ERAP1: variants seen among roughly 807,000 people sequenced by gnomAD.
The protein encoded by ERAP1 is endoplasmic reticulum aminopeptidase 1.
Under a neutral mutation model 103.7 loss-of-function variants are expected in ERAP1, and 86 were observed. The observed-to-expected ratio is 0.83, with a 90% CI of 0.70 to 0.99. ERAP1 has a LOEUF of 0.99. Ranked by LOEUF, ERAP1 falls within the 50% of genes least tolerant of loss-of-function variation. ERAP1 has a pLI of 0.00. For missense variants in ERAP1, 1,009 were observed against 1,128.4 expected, an observed-to-expected ratio of 0.89 and a Z score of 1.52; for synonymous variants, 398 against 402.4, an observed-to-expected ratio of 0.99 and a Z score of 0.13.
chr5:96,879,628 C>A, the ERAP1 span: 2 of 1,416,682 alleles, frequency 1.4e-6, no homozygotes, highest in Non-Finnish European at 9.9e-7. Context: ...CAGTGCAGTG[C>A]CATGAAGAAC....
the ERAP1 span, among the ~76,000 whole-genome samples, chr5:96,852,858 CT>C: frequency 7.2e-5 from 11 of 152,256 alleles, no homozygotes; most frequent in South Asian, 2.3e-3. Flanking sequence ...TAAATTTAAT[CT>C]TACTTCTGCA....
At chr5:96,900,053 G>T in the ERAP1 span, 1 of 1,566,258 alleles carries the variant, frequency 6.4e-7, no homozygotes. Flanking sequence ...CTGCATCCAT[G>T]GCTAATGTGC....
the ERAP1 span, among the ~76,000 whole-genome samples, chr5:96,882,974 C>T: frequency 1.3e-5 from 2 of 152,160 alleles, no homozygotes; most frequent in Admixed American, 6.6e-5. Flanking sequence ...AAATCTGTAA[C>T]TGTACAGTTT....
chr5:96,849,031 C>A, the ERAP1 span, among the ~76,000 whole-genome samples: 75 of 152,204 alleles, frequency 4.9e-4, no homozygotes, highest in South Asian at 0.014. Context: ...AAATCCATAT[C>A]ACCATCACAA....
the ERAP1 span, among the ~76,000 whole-genome samples, chr5:96,931,556 A>C: frequency 6.6e-6 from 1 of 152,180 alleles, no homozygotes; most frequent in Non-Finnish European, 1.5e-5. Context: ...GCATGAAAGA[A>C]TGCTCTAGTA....
the ERAP1 span, among the ~76,000 whole-genome samples, chr5:96,875,588 T>C: frequency 0.031 from 4,597 of 148,606 alleles, 95 homozygotes; most frequent in Non-Finnish European, 0.044. Flanking sequence ...TGGTAACAAA[T>C]TGGAGAGGGA....
the ERAP1 span, among the ~76,000 whole-genome samples, chr5:96,888,274 C>T: frequency 5.9e-5 from 9 of 152,290 alleles, no homozygotes; most frequent in South Asian, 1.9e-3. Flanking sequence ...CACCTCTGCA[C>T]TTAGACATGG....
At chr5:96,891,517 GCCCATAT>G in the ERAP1 span, among the ~76,000 whole-genome samples, 1 of 136,858 alleles carries the variant, frequency 7.3e-6, no homozygotes, top group African/African-American at 2.8e-5. Context: ...ATATATATAT[GCCCATAT>G]ACGGTATATA....
At chr5:96,912,492 TAA>T in the ERAP1 span, 1 of 514,432 alleles carries the variant, frequency 1.9e-6, no homozygotes, top group South Asian at 3.4e-5. Flanking sequence ...AATATTTTTA[TAA>T]GAGTTCGGCA....
the ERAP1 span, chr5:96,880,273 T>A: frequency 6.3e-7 from 1 of 1,593,194 alleles, no homozygotes; most frequent in East Asian, 2.2e-5. Context: ...AAGAACTTGC[T>A]CAGGTAATTT....
the ERAP1 span, among the ~76,000 whole-genome samples, chr5:96,854,439 A>C: frequency 6.6e-6 from 1 of 152,034 alleles, no homozygotes; most frequent in Admixed American, 6.5e-5. Flanking sequence ...CCAATGTGAA[A>C]AAACAAACAA....
the ERAP1 span, among the ~76,000 whole-genome samples, chr5:96,870,794 G>A: frequency 6.6e-6 from 1 of 152,106 alleles, no homozygotes; most frequent in East Asian, 1.9e-4. Context: ...GATTTGTTAG[G>A]CAGGACCAGA....
the ERAP1 span, among the ~76,000 whole-genome samples, chr5:96,899,306 C>T: frequency 6.6e-6 from 1 of 152,076 alleles, no homozygotes; most frequent in African/African-American, 2.4e-5. Flanking sequence ...TCAATCTTCC[C>T]CTAAAGGTCC....
the ERAP1 span, among the ~76,000 whole-genome samples, chr5:96,916,456 CTTTTT>C: frequency 0.052 from 5,062 of 97,550 alleles, 63 homozygotes; most frequent in Middle Eastern, 0.13. Flanking sequence ...TTCTAGTTAT[CTTTTT>C]TTTTTTTTTT....
chr5:96,856,333 A>T, the ERAP1 span, among the ~76,000 whole-genome samples: 1 of 22,916 alleles, frequency 4.4e-5, no homozygotes, highest in Non-Finnish European at 1.1e-4. Context: ...AAAAAAAAAA[A>T]AAAAAAAAAA....
chr5:96,788,596 C>T lies in ERAP1; in HGVS notation c.1614G>A (p.Arg538=). The T allele has an allele frequency of 1.6e-5, 26 of 1,614,212 alleles. No homozygotes were observed. Among genetic ancestry groups the T allele is most frequent in the Non-Finnish European group, 2.0e-5 (24 of 1,180,030 alleles). Residue 538 remains arginine (R), a synonymous_variant, in exon 11 of 19, where the codon AGG becomes AGA. Transcript: ENST00000443439. ...CTTGCTTCATGTGTACATTCCTCCC[C>T]CTCACTGTGATGGTTATTAGGGGAA... ...KGFPLITITV[R]GRNVHMKQEH...
At position 96,785,866 on chromosome 5, in the gene ERAP1, C is replaced by T; in HGVS notation, c.1865G>A (p.Gly622Asp). 1 of 1,614,072 alleles carries T rather than the reference C, an allele frequency of 6.2e-7. No individual in the cohort carries two copies. The highest frequency in any genetic ancestry group is 8.5e-7 in the Non-Finnish European group (1 of 1,180,004). ...YEDDGWDSLT[G>D]LLKGTHTAVS... ...TGCTGTGTGTGTTCCTTTTAAAAGGCCAGTCAAAGAGTCCCATCCATCATC... is the reference window on the plus strand; with the variant it reads ...TGCTGTGTGTGTTCCTTTTAAAAGGTCAGTCAAAGAGTCCCATCCATCATC... Residue 622 changes from glycine to aspartate, a missense_variant, in exon 13 of 19, where the codon GGC becomes GAC. Physicochemically the swap from Gly to Asp is moderately conservative, Grantham distance 94. Coordinates refer to ENST00000443439, the MANE Select transcript of ERAP1 (RefSeq NM_001040458.3).
chr5:96,837,959 G>C, the ERAP1 span, among the ~76,000 whole-genome samples: 1 of 151,676 alleles, frequency 6.6e-6, no homozygotes, highest in Non-Finnish European at 1.5e-5. Flanking sequence ...TATCTCCAAT[G>C]TCCAACTGTA....
rs1561651770 is a variant in ERAP1, at chr5:96,774,694, GTA to G, written c.*1700_*1701del. 1.0e-6 allele frequency: 1 copy of G among 980,492 alleles called. No individual in the cohort carries two copies. Among genetic ancestry groups the G allele is most frequent in the Non-Finnish European group, 1.2e-6 (1 of 825,560 alleles). The allele number at this position is 980,492 out of a possible 1,614,324, so 60.7% of individuals were successfully genotyped here. ...TATTTTACATTAAAATCTTGGTTGT[GTA>G]TTTTTTTAAAAGAAGGGAAATAGTT... On this transcript the variant is annotated 3_prime_UTR_variant, in exon 19 of 19. Coordinates refer to ENST00000443439, the MANE Select transcript of ERAP1 (RefSeq NM_001040458.3).
Sources: allele counts gnomAD v4.1 joint callset (sites outside exome capture counted in the v4.1 genomes callset), GRCh38; gene constraint gnomAD v4.1.1; transcripts MANE v1.5; gene names NCBI Gene and HGNC (gene_info 2026-07-23, HGNC 2026-07-21).